The following CNTN5 variants were observed in gnomAD, a reference collection of about 807,000 sequenced individuals.
CNTN5 encodes the protein contactin 5.
A neutral mutation model predicts 129.1 loss-of-function variants in CNTN5; 77 were observed. That is an observed-to-expected ratio of 0.60 (90% CI 0.50 to 0.72). The LOEUF (loss-of-function observed/expected upper bound fraction) is 0.72, where lower values mean the gene tolerates loss of function less well. Among genes scored for constraint, CNTN5 ranks in the 30% least tolerant of loss-of-function variants. The pLI is 0.00. For synonymous variants in CNTN5, 509 were observed against 465.6 expected (o/e 1.09, Z -1.20); for missense variants, 1,478 against 1,328.8 (o/e 1.11, Z -1.75).
chr11:99,554,437 C>A (rs973294536), intron 2 of CNTN5, among the ~76,000 whole-genome samples: 1 of 152,040 alleles, frequency 6.6e-6, no homozygotes, highest in African/African-American at 2.4e-5. Flanking sequence ...GGCTCTCAAC[C>A]CATGTATGTG....
intron 2 of CNTN5, among the ~76,000 whole-genome samples, chr11:99,333,797 T>A (rs981066426): frequency 2.0e-5 from 3 of 152,010 alleles, no homozygotes; most frequent in Non-Finnish European, 4.4e-5. Flanking sequence ...GTTTTCCAGG[T>A]CATTTAACTC....
intron 16 of CNTN5, among the ~76,000 whole-genome samples, chr11:100,247,419 T>A (rs559130113): frequency 2.6e-5 from 4 of 152,216 alleles, no homozygotes; most frequent in Non-Finnish European, 5.9e-5. Flanking sequence ...AAGGGTTGGT[T>A]ACTCTCATGA....
chr11:99,705,343 C>A (rs1954709194), intron 3 of CNTN5, among the ~76,000 whole-genome samples: 2 of 151,394 alleles, frequency 1.3e-5, no homozygotes, highest in South Asian at 4.1e-4. Context: ...AAATTTTACT[C>A]ATAGTGTTAC....
At chr11:100,325,242 A>G (rs1951767994) in intron 21 of CNTN5, among the ~76,000 whole-genome samples, 1 of 152,188 alleles carries the variant, frequency 6.6e-6, no homozygotes, top group African/African-American at 2.4e-5. Flanking sequence ...AGGTCATGAT[A>G]TTCCAAAATA....
intron 1 of CNTN5, among the ~76,000 whole-genome samples, chr11:99,207,282 T>C (rs903282818): frequency 2.6e-5 from 4 of 152,158 alleles, no homozygotes; most frequent in Non-Finnish European, 5.9e-5. Context: ...ATAATTATAG[T>C]AGCAGCTCTC....
intron 7 of CNTN5, among the ~76,000 whole-genome samples, chr11:99,955,717 C>A (rs1950784315): frequency 6.6e-6 from 1 of 151,846 alleles, no homozygotes; most frequent in South Asian, 2.1e-4. Context: ...CACCACCAGG[C>A]CCGGCTAATT....
At chr11:99,990,451 T>TACACACACAC (rs200252748) in intron 8 of CNTN5, among the ~76,000 whole-genome samples, 1,897 of 99,450 alleles carry the variant, frequency 0.019, 23 homozygotes, top group Middle Eastern at 0.13. Flanking sequence ...AGAATATATA[T>TACACACACAC]ATATACACAC....
chr11:99,310,834 A>G (rs61893137), intron 1 of CNTN5, among the ~76,000 whole-genome samples: 7,121 of 152,228 alleles, frequency 0.047, 365 homozygotes, highest in East Asian at 0.2. Context: ...GTGACTCTCT[A>G]TTGGTTGAAT....
chr11:99,334,632 C>A (rs1016523955), intron 2 of CNTN5, among the ~76,000 whole-genome samples: 2 of 152,026 alleles, frequency 1.3e-5, no homozygotes, highest in African/African-American at 4.8e-5. Context: ...AAGATAGCTA[C>A]TAGCCACATG....
At chr11:100,346,772 C>A (rs942369773) in intron 23 of CNTN5, among the ~76,000 whole-genome samples, 1 of 152,020 alleles carries the variant, frequency 6.6e-6, no homozygotes, top group Admixed American at 6.6e-5. Flanking sequence ...CCATCAATAC[C>A]GTAATAGTCC....
intron 13 of CNTN5, among the ~76,000 whole-genome samples, chr11:100,128,409 G>T (rs1946265841): frequency 6.6e-6 from 1 of 152,074 alleles, no homozygotes; most frequent in Non-Finnish European, 1.5e-5. Context: ...GTTGCATAAT[G>T]GCTCCCAAAG....
chr11:99,910,527 T>G (rs538124853), intron 6 of CNTN5, among the ~76,000 whole-genome samples: 1 of 152,238 alleles, frequency 6.6e-6, no homozygotes, highest in East Asian at 1.9e-4. Context: ...TTAAAATTCC[T>G]AAAATTAGTG....
intron 1 of CNTN5, among the ~76,000 whole-genome samples, chr11:99,245,975 G>C (rs1271779716): frequency 6.6e-6 from 1 of 152,162 alleles, no homozygotes; most frequent in African/African-American, 2.4e-5. Flanking sequence ...TAAGGGATCT[G>C]AATGGGACTA....
chr11:99,884,990 C>T (rs1948863026), intron 6 of CNTN5, among the ~76,000 whole-genome samples: 1 of 151,854 alleles, frequency 6.6e-6, no homozygotes, highest in Non-Finnish European at 1.5e-5. Flanking sequence ...ACAAACAAAA[C>T]AGGGAGAAAA....
At chr11:99,324,862 C>G (rs1017931810) in intron 1 of CNTN5, among the ~76,000 whole-genome samples, 47 of 152,076 alleles carry the variant, frequency 3.1e-4, no homozygotes, top group African/African-American at 1.1e-3. Flanking sequence ...AGGATGGTCT[C>G]GATCTCCTGA....
rs540494293 is a variant in CNTN5 at position 99,999,900 on chromosome 11, C to T, written c.878-2134C>T. 9.9e-5 allele frequency among the ~76,000 whole-genome samples: 15 copies of T among 151,824 alleles called. No homozygotes were observed. The East Asian group carries it at 1.4e-3, about 14-fold the overall frequency. ...GAAATCATCATTCTCAGTAAACTGTCGCAAGGCCAAAAAACCAAACACTGC... is the reference window on the plus strand; with the variant it reads ...GAAATCATCATTCTCAGTAAACTGTTGCAAGGCCAAAAAACCAAACACTGC... On this transcript the variant is annotated intron_variant, in intron 8 of 24. Coordinates refer to ENST00000524871, the MANE Select transcript of CNTN5 (RefSeq NM_014361.4).
At chr11:100,236,365 A>G (rs893645717) in intron 16 of CNTN5, among the ~76,000 whole-genome samples, 2 of 152,150 alleles carry the variant, frequency 1.3e-5, no homozygotes, top group Non-Finnish European at 2.9e-5. Context: ...GGAACAGGAC[A>G]TGGAGGCTGG....
intron 15 of CNTN5, among the ~76,000 whole-genome samples, chr11:100,198,247 A>G (rs1477749996): frequency 6.6e-6 from 1 of 152,010 alleles, no homozygotes; most frequent in African/African-American, 2.4e-5. Context: ...ATATGACCAT[A>G]AAAACAATTA....
chr11:99,324,787 G>A (rs1002992599), intron 1 of CNTN5, among the ~76,000 whole-genome samples: 10 of 152,004 alleles, frequency 6.6e-5, no homozygotes, highest in African/African-American at 9.6e-5. Context: ...GACTACAGGC[G>A]CCCTCCACCA....
Sources: gnomAD v4.1 joint callset for allele counts (sites outside exome capture counted in the v4.1 genomes callset) on GRCh38, gnomAD v4.1.1 for gene constraint, MANE v1.5 for transcripts, NCBI Gene and HGNC (gene_info 2026-07-23, HGNC 2026-07-21) for gene names.